Variants in GOLM2 observed in about 807,000 individuals in gnomAD.
GOLM2 encodes protein GOLM2.
GOLM2 carries 26 observed loss-of-function variants against 55.9 expected under a neutral mutation model. That is an observed-to-expected ratio of 0.47 (90% CI 0.34 to 0.65). The LOEUF (loss-of-function observed/expected upper bound fraction) is 0.65, where lower values mean the gene tolerates loss of function less well. Ranked by LOEUF, GOLM2 falls within the 30% of genes least tolerant of loss-of-function variation. The pLI, the probability that GOLM2 is intolerant of heterozygous loss-of-function variation, is 0.01. For synonymous variants in GOLM2, 165 were observed against 194.6 expected (o/e 0.85, Z 1.27); for missense variants, 486 against 531.8 (o/e 0.91, Z 0.85).
intron 6 of GOLM2, among the ~76,000 whole-genome samples, chr15:44,341,371 C>T (rs1169197019): frequency 2.6e-5 from 4 of 151,962 alleles, no homozygotes; most frequent in South Asian, 2.1e-4. Flanking sequence ...TGAGCCACCA[C>T]GCCTGGCATA....
At position 44,415,705 on chromosome 15, in the gene GOLM2, C is replaced by G. The variant is rs1448968019; in HGVS notation, c.*2299C>G. 1 of 152,466 alleles carries G rather than the reference C, an allele frequency of 6.6e-6. No homozygotes were observed. The highest frequency in any genetic ancestry group is 1.5e-5 in the Non-Finnish European group (1 of 68,042). 9.4% of individuals were successfully genotyped at this position (152,466 alleles called of 1,614,324 possible). ...ATTAAGTGTTAATTTGATGGAAACT[C>G]TGCTTTTAAAATCATCATTTACTGG... On this transcript the variant is annotated 3_prime_UTR_variant, in exon 10 of 10. Coordinates refer to ENST00000299957, the MANE Select transcript of GOLM2 (RefSeq NM_138423.4).
chr15:44,352,863 G>A (rs187276027), intron 6 of GOLM2, among the ~76,000 whole-genome samples: 9 of 150,352 alleles, frequency 6.0e-5, no homozygotes, highest in African/African-American at 1.5e-4. Context: ...CCCAGATCGC[G>A]CCATTTTAGT....
chr15:44,379,231 C>A (rs2079385183), intron 6 of GOLM2, among the ~76,000 whole-genome samples: 1 of 152,108 alleles, frequency 6.6e-6, no homozygotes, highest in African/African-American at 2.4e-5. Flanking sequence ...AATCCCAGCA[C>A]TTTGGGAGGC....
intron 1 of GOLM2, among the ~76,000 whole-genome samples, chr15:44,301,771 G>T (rs928905330): frequency 6.6e-6 from 1 of 152,102 alleles, no homozygotes; most frequent in South Asian, 2.1e-4. Context: ...TATCAGCCGG[G>T]TATGGTGCCA....
At chr15:44,333,951 G>A (rs1164641852) in intron 4 of GOLM2, among the ~76,000 whole-genome samples, 4 of 152,044 alleles carry the variant, frequency 2.6e-5, no homozygotes, top group African/African-American at 4.8e-5. Context: ...TCCCGACCTC[G>A]TGATCTGCCC....
At chr15:44,327,655 T>C (rs911233369) in intron 2 of GOLM2, among the ~76,000 whole-genome samples, 9 of 152,216 alleles carry the variant, frequency 5.9e-5, no homozygotes, top group African/African-American at 1.9e-4. Flanking sequence ...CTGTTAGCTG[T>C]TTTTAAAATC....
intron 8 of GOLM2, among the ~76,000 whole-genome samples, chr15:44,382,412 C>T (rs917031153): frequency 2.0e-5 from 3 of 151,974 alleles, no homozygotes; most frequent in South Asian, 2.1e-4. Flanking sequence ...CTGCAACCTC[C>T]GCCTCCCAGG....
At chr15:44,367,789 C>CAA (rs751290157) in intron 6 of GOLM2, among the ~76,000 whole-genome samples, 1 of 120,490 alleles carries the variant, frequency 8.3e-6, no homozygotes. Context: ...GACTCTGTCT[C>CAA]AAAAAAAAAA....
intron 6 of GOLM2, among the ~76,000 whole-genome samples, chr15:44,365,224 G>A (rs563261929): frequency 6.6e-6 from 1 of 152,248 alleles, no homozygotes; most frequent in East Asian, 1.9e-4. Context: ...GAGATATTAA[G>A]ACATGAAAAG....
rs1418685437 is a variant in GOLM2 at position 44,413,775 on chromosome 15, C to T, written c.*369C>T. 1 of 159,556 alleles carries T rather than the reference C, an allele frequency of 6.3e-6. No individual in the cohort carries two copies. Among genetic ancestry groups the T allele is most frequent in the Non-Finnish European group, 1.4e-5 (1 of 73,792 alleles). 9.9% of individuals were successfully genotyped at this position (159,556 alleles called of 1,614,324 possible). On this transcript the variant is annotated 3_prime_UTR_variant, in exon 10 of 10. Transcript: ENST00000299957. ...TAGCATAACCACAGTAAGAACAGAA[C>T]AGATATTCAGCAGAAAACTTTTTAT... is the stretch of plus-strand genomic sequence containing the variant.
intron 6 of GOLM2, among the ~76,000 whole-genome samples, chr15:44,347,578 C>T (rs541336914): frequency 8.5e-5 from 13 of 152,222 alleles, no homozygotes; most frequent in Admixed American, 2.0e-4. Context: ...CTTGCCACCG[C>T]GAGCTAGAGT....
intron 6 of GOLM2, among the ~76,000 whole-genome samples, chr15:44,361,532 G>T (rs1158142466): frequency 2.0e-5 from 3 of 150,542 alleles, no homozygotes; most frequent in Non-Finnish European, 3.0e-5. Flanking sequence ...AATAACAGGA[G>T]CTGAAATTGT....
At chr15:44,337,653 C>T in intron 4 of GOLM2, 110 bp from the exon 5 acceptor site, 2 of 703,968 alleles carry the variant, frequency 2.8e-6, no homozygotes, top group Non-Finnish European at 4.5e-6. Flanking sequence ...TATTTGAACC[C>T]ATGGTATATG....
intron 2 of GOLM2, among the ~76,000 whole-genome samples, chr15:44,325,729 C>A (rs2078976435): frequency 6.6e-6 from 1 of 152,188 alleles, no homozygotes; most frequent in Non-Finnish European, 1.5e-5. Context: ...ATCCCTTAGC[C>A]ACAAGGCTTT....
At chr15:44,295,917 T>TACACACACACACACACACACACAC (rs71421830) in intron 1 of GOLM2, among the ~76,000 whole-genome samples, 75 of 143,150 alleles carry the variant, frequency 5.2e-4, no homozygotes, top group African/African-American at 1.8e-3. Flanking sequence ...CCACCACACA[T>TACACACACACACACACACACACAC]ACACACACAC....
intron 6 of GOLM2, among the ~76,000 whole-genome samples, chr15:44,362,638 A>G (rs1311074533): frequency 2.0e-5 from 3 of 152,336 alleles, no homozygotes; most frequent in African/African-American, 4.8e-5. Flanking sequence ...TATAGATTCA[A>G]TGCCATCCCC....
rs530526033 is a variant in GOLM2 at position 44,320,454 on chromosome 15, A to G, written c.328-2511A>G. 3.3e-5 allele frequency among the ~76,000 whole-genome samples: 5 copies of G among 152,228 alleles called. No individual in the cohort carries two copies. In the East Asian group the frequency reaches 9.7e-4, roughly 29 times the overall value. On this transcript the variant is annotated intron_variant, in intron 1 of 9. Transcript: ENST00000299957. ...GCTAGGACTACAGACATGTTCCACC[A>G]TGCCTGGCTAATTTCATTTTTTATT... is the stretch of plus-strand genomic sequence containing the variant.
intron 6 of GOLM2, among the ~76,000 whole-genome samples, chr15:44,351,620 A>G (rs1038965340): frequency 1.2e-4 from 18 of 151,280 alleles, no homozygotes; most frequent in African/African-American, 4.1e-4. Flanking sequence ...AAAGAACATC[A>G]AAATCGGAAA....
In GOLM2 at chr15:44,289,114, G is replaced by A. The variant is rs2096205865; in HGVS notation, c.85G>A (p.Ala29Thr). Residue 29 changes from alanine to threonine, a missense_variant, in exon 1 of 10, where the codon GCC becomes ACC. Ala to Thr is a moderately conservative substitution (Grantham distance 58). Transcript: ENST00000299957. The surrounding 1 kb of genome is among the most constrained non-coding windows in gnomAD (Gnocchi z 4.8). ...VVLLVVIVVL[A>T]FNYWSISSRH... ...GCTGCTGGTGGTGATCGTCGTCCTC[G>A]CCTTCAACTACTGGAGCATCTCCTC... The A allele has an allele frequency of 6.2e-7, 1 of 1,614,144 alleles. No individual in the cohort carries two copies. The highest frequency in any genetic ancestry group is 1.3e-5 in the African/African-American group (1 of 75,066).
Sources: allele counts gnomAD v4.1 joint callset (sites outside exome capture counted in the v4.1 genomes callset), GRCh38; gene constraint gnomAD v4.1.1; non-coding constraint Gnocchi (gnomAD v3.1); transcripts MANE v1.5; gene names NCBI Gene and HGNC (gene_info 2026-07-23, HGNC 2026-07-21).